Variants in SGPL1 observed in about 807,000 individuals in gnomAD.
The protein encoded by SGPL1 is sphingosine-1-phosphate lyase 1.
Under a neutral mutation model 68.9 loss-of-function variants are expected in SGPL1, and 37 were observed. The observed-to-expected ratio is 0.54, with a 90% confidence interval of 0.41 to 0.71. SGPL1 has a LOEUF of 0.71. Ranked by LOEUF, SGPL1 falls within the 30% of genes least tolerant of loss-of-function variation. The pLI is 0.00. For missense variants in SGPL1, 551 were observed against 704.6 expected, an observed-to-expected ratio of 0.78 and a Z score of 2.47; for synonymous variants, 236 against 248.5, an observed-to-expected ratio of 0.95 and a Z score of 0.47.
chr10:70,870,044 T>G (rs1846264331), intron 9 of SGPL1, 147 bp downstream of exon 9: 1 of 572,694 alleles, frequency 1.7e-6, no homozygotes, highest in Non-Finnish European at 3.1e-6. Flanking sequence ...TAGTGGTGAT[T>G]GACTGCAGCT....
chr10:70,851,591 T>C (rs1264028122), intron 4 of SGPL1, among the ~76,000 whole-genome samples: 1 of 152,138 alleles, frequency 6.6e-6, no homozygotes, highest in East Asian at 1.9e-4. Context: ...AAGTAAGAAT[T>C]TGAGAAAACC....
chr10:70,863,854 C>T lies in SGPL1; in HGVS notation c.615+4355C>T, dbSNP rs555675368. Among the ~76,000 whole-genome samples the T allele has an allele frequency of 2.6e-5, 4 of 152,274 alleles. No individual in the cohort carries two copies. The South Asian group carries it at 8.3e-4, about 32-fold the overall frequency. The stretch of plus-strand genomic sequence containing the variant: ...ACTGTAGAGTGTGGTCTTTTTCCAG[C>T]CATCTCCTGTTGGACTCCTTATCTT... On this transcript the variant is annotated intron_variant, in intron 7 of 14. Transcript: ENST00000373202.
At chr10:70,847,084 G>A (rs1845802919) in intron 3 of SGPL1, among the ~76,000 whole-genome samples, 1 of 152,052 alleles carries the variant, frequency 6.6e-6, no homozygotes, top group Admixed American at 6.6e-5. Flanking sequence ...GTAGTATACT[G>A]ATGAGATATG....
At chr10:70,841,960 TC>T (rs1486578186) in intron 2 of SGPL1, among the ~76,000 whole-genome samples, 1 of 152,110 alleles carries the variant, frequency 6.6e-6, no homozygotes, top group African/African-American at 2.4e-5. Context: ...TTTTGAATGA[TC>T]TATACCCACA....
chr10:70,859,950 T>A (rs1331471928), intron 7 of SGPL1, among the ~76,000 whole-genome samples: 1 of 152,172 alleles, frequency 6.6e-6, no homozygotes, highest in Non-Finnish European at 1.5e-5. Flanking sequence ...TTCCCCTATT[T>A]ATCTGTGTAT....
intron 2 of SGPL1, among the ~76,000 whole-genome samples, chr10:70,823,701 A>C (rs1845382955): frequency 6.7e-6 from 1 of 149,384 alleles, no homozygotes. Flanking sequence ...AGATATATAG[A>C]TATATATATC....
chr10:70,834,436 A>G (rs1767174), intron 2 of SGPL1, among the ~76,000 whole-genome samples: 23,996 of 152,230 alleles, frequency 0.16, 2,131 homozygotes, highest in Non-Finnish European at 0.2. Context: ...CATCACTGCA[A>G]TGAGATTGGA....
At chr10:70,851,672 T>G (rs544998920) in intron 4 of SGPL1, among the ~76,000 whole-genome samples, 1 of 152,096 alleles carries the variant, frequency 6.6e-6, no homozygotes, top group Non-Finnish European at 1.5e-5. Flanking sequence ...AGGAGTTGGG[T>G]GCTTACATGG....
chr10:70,873,877 A>T (rs895196867), intron 12 of SGPL1, among the ~76,000 whole-genome samples: 1 of 152,206 alleles, frequency 6.6e-6, no homozygotes, highest in Non-Finnish European at 1.5e-5. Context: ...CCTAAGGCTA[A>T]TGTACAATTT....
At chr10:70,848,736 A>G (rs1845831347) in intron 3 of SGPL1, among the ~76,000 whole-genome samples, 1 of 152,154 alleles carries the variant, frequency 6.6e-6, no homozygotes, top group Non-Finnish European at 1.5e-5. Flanking sequence ...TGCTGGGATA[A>G]CAGGCGTGAA....
chr10:70,830,288 C>A (rs575669672), intron 2 of SGPL1, among the ~76,000 whole-genome samples: 7 of 152,230 alleles, frequency 4.6e-5, no homozygotes, highest in African/African-American at 1.4e-4. Flanking sequence ...GGACATTTTC[C>A]AAAGAAACCC....
rs989841569 is a variant in SGPL1, at chr10:70,862,535, C to G, written c.615+3036C>G. ...CCTTCCACACTGTGGAAGCTTTGTT[C>G]TTTCGCTCTTTGCAATAAATCTTGC... On this transcript the variant is annotated intron_variant, in intron 7 of 14. Transcript: ENST00000373202. Among the ~76,000 whole-genome samples, 5 of 152,282 alleles carry G rather than the reference C, an allele frequency of 3.3e-5. No individual in the cohort carries two copies. The East Asian group carries it at 5.8e-4, about 18-fold the overall frequency.
chr10:70,846,892 C>CT (rs71012249), intron 3 of SGPL1, among the ~76,000 whole-genome samples: 18,134 of 152,010 alleles, frequency 0.12, 1,342 homozygotes, highest in Non-Finnish European at 0.17. Flanking sequence ...CCATATTTTT[C>CT]TTTTTTTGTG....
At chr10:70,863,293 T>G (rs922087309) in intron 7 of SGPL1, among the ~76,000 whole-genome samples, 5 of 137,656 alleles carry the variant, frequency 3.6e-5, no homozygotes, top group Admixed American at 1.5e-4. Flanking sequence ...GGCCGTCTTT[T>G]TTTTTTTTTT....
At chr10:70,872,790 G>A (rs1424142530) in intron 11 of SGPL1, among the ~76,000 whole-genome samples, 2 of 152,116 alleles carry the variant, frequency 1.3e-5, no homozygotes, top group Non-Finnish European at 2.9e-5. Flanking sequence ...TTAGTTCCAC[G>A]TTAGTTTTAA....
chr10:70,844,896 C>G (rs1393397108), intron 3 of SGPL1, among the ~76,000 whole-genome samples: 2 of 152,008 alleles, frequency 1.3e-5, no homozygotes, highest in African/African-American at 2.4e-5. Flanking sequence ...CACGCCACCA[C>G]GCCCAGCTAA....
Position 70,878,645 on chromosome 10 carries a change from G to A in SGPL1, c.*1310G>A, listed in dbSNP as rs1330912020. 2 of 152,210 alleles carry A rather than the reference G, an allele frequency of 1.3e-5. No homozygotes were observed. Among genetic ancestry groups the A allele is most frequent in the African/African-American group, 4.8e-5 (2 of 41,458 alleles). 9.4% of individuals were successfully genotyped at this position (152,210 alleles called of 1,614,324 possible). On this transcript the variant is annotated 3_prime_UTR_variant, in exon 15 of 15. Transcript: ENST00000373202. Reference sequence around the variant, plus strand: ...TTATGTAATGAAAATGTGTTTGCTTGAAGGAACAGCTCAAAGCACCTTCAC... The same window carrying A: ...TTATGTAATGAAAATGTGTTTGCTTAAAGGAACAGCTCAAAGCACCTTCAC...
intron 10 of SGPL1, among the ~76,000 whole-genome samples, chr10:70,871,548 C>G (rs1395596606): frequency 6.6e-6 from 1 of 152,098 alleles, no homozygotes; most frequent in Non-Finnish European, 1.5e-5. Context: ...CGAGAGGCAG[C>G]CTAAATCAGA....
At position 70,876,615 on chromosome 10, in the gene SGPL1, C is replaced by G. The variant is rs1264909506; in HGVS notation, c.1520C>G (p.Ser507Cys). Residue 507 changes from serine (S) to cysteine (C), a missense_variant, in exon 14 of 15, where the codon TCT (serine) becomes TGT (cysteine). Transcript: ENST00000373202. ...AIQFLKDIRE[S>C]VTQIMKNPKA... ...CAATTCCTAAAGGACATTCGAGAAT[C>G]TGTCACTCAAATCATGAAGAATCCT... 1.2e-6 allele frequency: 2 copies of G among 1,613,576 alleles called. No homozygotes were observed. The highest frequency in any genetic ancestry group is 2.2e-5 in the South Asian group (2 of 91,060).
Sources: gnomAD v4.1 joint callset for allele counts (sites outside exome capture counted in the v4.1 genomes callset) on GRCh38, gnomAD v4.1.1 for gene constraint, MANE v1.5 for transcripts, NCBI Gene and HGNC (gene_info 2026-07-23, HGNC 2026-07-21) for gene names.